The following PRKN variants were observed in gnomAD, a reference collection of about 807,000 sequenced individuals.
The protein encoded by PRKN is E3 ubiquitin-protein ligase parkin.
In PRKN, 56 loss-of-function variants were observed where a neutral mutation model predicts 59.5. The ratio of observed to expected loss-of-function variants is 0.94; its 90% confidence interval spans 0.76 to 1.18. The LOEUF (loss-of-function observed/expected upper bound fraction) is 1.18. PRKN is among the 50% of genes most tolerant of loss of function. The pLI is 0.00. For synonymous variants in PRKN, 250 were observed against 222.1 expected, an observed-to-expected ratio of 1.13 and a Z score of -1.12; for missense variants, 657 against 596.4, an observed-to-expected ratio of 1.10 and a Z score of -1.06.
At chr6:161,664,611 T>C (rs1408470044) in intron 7 of PRKN, among the ~76,000 whole-genome samples, 3 of 152,194 alleles carry the variant, frequency 2.0e-5, no homozygotes, top group Non-Finnish European at 4.4e-5. Context: ...ACAGCTTATA[T>C]ATGTCAAAGC....
chr6:162,437,565 C>T (rs536834099), intron 2 of PRKN, among the ~76,000 whole-genome samples: 8 of 152,254 alleles, frequency 5.3e-5, no homozygotes, highest in South Asian at 4.1e-4. Context: ...CTTTCACAGT[C>T]GTACCCTCCT....
chr6:162,041,596 G>A (rs6916361), intron 5 of PRKN, among the ~76,000 whole-genome samples: 4,307 of 152,132 alleles, frequency 0.028, 228 homozygotes, highest in African/African-American at 0.099. Flanking sequence ...GTTTTTTGAG[G>A]TCCACCTGTC....
At chr6:162,201,626 T>TCCGG (rs1157703038) in intron 3 of PRKN, among the ~76,000 whole-genome samples, 1 of 152,138 alleles carries the variant, frequency 6.6e-6, no homozygotes, top group Non-Finnish European at 1.5e-5. Flanking sequence ...ATCTCGTGCT[T>TCCGG]CCAGACACAG....
chr6:162,678,563 T>C (rs1317867412), intron 1 of PRKN, among the ~76,000 whole-genome samples: 3 of 152,230 alleles, frequency 2.0e-5, no homozygotes, highest in Admixed American at 2.0e-4. Context: ...TGGGGGTATC[T>C]TTGCATGTGT....
At chr6:162,477,458 C>T (rs1792075388) in intron 1 of PRKN, among the ~76,000 whole-genome samples, 1 of 152,180 alleles carries the variant, frequency 6.6e-6, no homozygotes, top group Non-Finnish European at 1.5e-5. Flanking sequence ...CCTCTTATAT[C>T]AACAGAATAT....
intron 2 of PRKN, among the ~76,000 whole-genome samples, chr6:162,420,356 T>C (rs746001906): frequency 3.9e-5 from 6 of 152,178 alleles, no homozygotes; most frequent in Non-Finnish European, 5.9e-5. Flanking sequence ...ATTGAATCCT[T>C]TGTCTTCTAT....
chr6:161,427,029 T>C (rs1788398452), intron 9 of PRKN, among the ~76,000 whole-genome samples: 1 of 152,008 alleles, frequency 6.6e-6, no homozygotes, highest in Admixed American at 6.6e-5. Context: ...TACTTACTTA[T>C]ATTTTTGAGA....
chr6:162,681,160 G>A (rs543485697), intron 1 of PRKN, among the ~76,000 whole-genome samples: 9 of 152,194 alleles, frequency 5.9e-5, no homozygotes, highest in East Asian at 3.9e-4. Context: ...ATGAAAAATC[G>A]TAAGAATGTG....
intron 2 of PRKN, among the ~76,000 whole-genome samples, chr6:162,273,201 A>G (rs2128103932): frequency 6.6e-6 from 1 of 152,206 alleles, no homozygotes; most frequent in East Asian, 1.9e-4. Flanking sequence ...AGAAAGGAAA[A>G]TCGAAGTTAG....
intron 4 of PRKN, among the ~76,000 whole-genome samples, chr6:162,061,872 C>A (rs1389569476): frequency 2.0e-5 from 3 of 152,062 alleles, no homozygotes; most frequent in Admixed American, 6.6e-5. Flanking sequence ...ACAAATGAAC[C>A]AATCACATCC....
intron 1 of PRKN, among the ~76,000 whole-genome samples, chr6:162,644,545 A>T (rs1778090602): frequency 6.6e-6 from 1 of 152,100 alleles, no homozygotes; most frequent in Non-Finnish European, 1.5e-5. Flanking sequence ...AACCTTCCAT[A>T]AAAAATAACC....
chr6:162,212,498 T>C (rs1177732468), intron 3 of PRKN, among the ~76,000 whole-genome samples: 1 of 152,218 alleles, frequency 6.6e-6, no homozygotes, highest in African/African-American at 2.4e-5. Context: ...ACAGTAATGT[T>C]TCTGTTTACT....
intron 6 of PRKN, among the ~76,000 whole-genome samples, chr6:161,891,776 T>C (rs1795354041): frequency 6.6e-6 from 1 of 152,188 alleles, no homozygotes. Flanking sequence ...GAGCCACCTA[T>C]GGAGAAAGCA....
In PRKN at chr6:162,568,916, T is replaced by C. The variant is rs373120087; in HGVS notation, c.8-125443A>G. On this transcript the variant is annotated intron_variant, in intron 1 of 11. Coordinates refer to ENST00000366898, the MANE Select transcript of PRKN (RefSeq NM_004562.3). ...TCCTCATCAGGAAGGACATGGATGA[T>C]GCTTACGTGAACAAGGTAGAGCTGT... 1.9e-4 allele frequency: 129 copies of C among 676,376 alleles called. 2 individuals are homozygous for C. Among genetic ancestry groups the C allele is most frequent in the East Asian group, 1.6e-3 (59 of 37,436 alleles). 41.9% of individuals were successfully genotyped at this position (676,376 alleles called of 1,614,324 possible).
rs1389971270 is a variant in PRKN, at chr6:161,592,044, C to A, written c.872-22628G>T. ...TCTATATAACCTATGCACATCCTCCCATATACTTAAAATCATCCCTAGATT... is the reference window on the plus strand; with the variant it reads ...TCTATATAACCTATGCACATCCTCCAATATACTTAAAATCATCCCTAGATT... On this transcript the variant is annotated intron_variant, in intron 7 of 11. Coordinates refer to ENST00000366898, the MANE Select transcript of PRKN (RefSeq NM_004562.3). This position sits in a 1 kb window ranked among gnomAD's most constrained non-coding sequence, Gnocchi z 4.8. Among the ~76,000 whole-genome samples the A allele has an allele frequency of 6.6e-6, 1 of 152,138 alleles. No homozygotes were observed. Among genetic ancestry groups the A allele is most frequent in the African/African-American group, 2.4e-5 (1 of 41,416 alleles).
intron 9 of PRKN, among the ~76,000 whole-genome samples, chr6:161,511,113 A>T (rs1161528127): frequency 6.6e-6 from 1 of 152,246 alleles, no homozygotes; most frequent in Non-Finnish European, 1.5e-5. Context: ...CATTTCTAAC[A>T]GGTAAACAAT....
rs186295960 is a variant in PRKN, at chr6:161,979,601, G to T, written c.619-6184C>A. Among the ~76,000 whole-genome samples the T allele has an allele frequency of 1.9e-3, 290 of 152,244 alleles. 1 individual carries two copies. Among genetic ancestry groups the T allele is most frequent in the African/African-American group, 6.6e-3 (274 of 41,552 alleles). On this transcript the variant is annotated intron_variant, in intron 5 of 11. Transcript: ENST00000366898. ...TTTTCCACTTCATTAGTATTAAATGGAAAACCCAACAAAGTTGTATTCCTC... is the reference window on the plus strand; with the variant it reads ...TTTTCCACTTCATTAGTATTAAATGTAAAACCCAACAAAGTTGTATTCCTC...
chr6:161,796,167 T>G (rs997352135), intron 6 of PRKN, among the ~76,000 whole-genome samples: 4 of 152,200 alleles, frequency 2.6e-5, no homozygotes, highest in Admixed American at 2.6e-4. Flanking sequence ...ATTATTAATT[T>G]TCTCCAGATG....
At chr6:162,165,841 G>T (rs1782953467) in intron 4 of PRKN, among the ~76,000 whole-genome samples, 1 of 151,722 alleles carries the variant, frequency 6.6e-6, no homozygotes, top group Non-Finnish European at 1.5e-5. Context: ...CTTAGGTCAG[G>T]GGTTCAAGAC....
Sources: allele counts gnomAD v4.1 joint callset (sites outside exome capture counted in the v4.1 genomes callset), GRCh38; gene constraint gnomAD v4.1.1; non-coding constraint Gnocchi (gnomAD v3.1); transcripts MANE v1.5; gene names NCBI Gene and HGNC (gene_info 2026-07-23, HGNC 2026-07-21).